CACNA1H: variants seen among roughly 807,000 people sequenced by gnomAD.
CACNA1H encodes the protein calcium voltage-gated channel subunit alpha1 H.
In CACNA1H, 149 loss-of-function variants were observed where a neutral mutation model predicts 192.5. That is an observed-to-expected ratio of 0.77 (90% CI 0.68 to 0.89). The LOEUF (loss-of-function observed/expected upper bound fraction) is 0.89. CACNA1H is among the 40% of genes least tolerant of loss of function. The pLI, the probability that CACNA1H is intolerant of heterozygous loss-of-function variation, is 0.00. For missense variants in CACNA1H, 4,257 were observed against 3,423.5 expected, an observed-to-expected ratio of 1.24 and a Z score of -6.08; for synonymous variants, 2,202 against 1,475.2, an observed-to-expected ratio of 1.49 and a Z score of -11.29.
chr16:1,207,050 A>G lies in CACNA1H; in HGVS notation c.2839A>G (p.Thr947Ala), dbSNP rs1295034318. The change falls in exon 13 of 35, where the codon ACC (threonine) becomes GCC (alanine). Residue 947 changes from threonine to alanine, a missense_variant. By Grantham distance (58) the Thr-to-Ala change is moderately conservative. Transcript: ENST00000348261. ...CTGCAAGTTCAGCCTGAAGACAGAC[A>G]CCGGAGACACCGTGCCTGACAGGAA... ...FGCKFSLKTDTGDTVPDRKNF... is the reference protein window; with the variant it reads ...FGCKFSLKTDAGDTVPDRKNF... The G allele has an allele frequency of 1.9e-6, 3 of 1,602,192 alleles. No individual in the cohort carries two copies. The highest frequency in any genetic ancestry group is 2.3e-5 in the East Asian group (1 of 44,410).
intron 6 of CACNA1H, chr16:1,199,028 C>G: frequency 2.2e-6 from 1 of 451,366 alleles, no homozygotes; most frequent in Non-Finnish European, 4.0e-6. Flanking sequence ...ATATGCCCCA[C>G]CCCCCACCAT....
chr16:1,179,423 G>T (rs927210582), intron 2 of CACNA1H, among the ~76,000 whole-genome samples: 14 of 152,192 alleles, frequency 9.2e-5, no homozygotes, highest in African/African-American at 3.4e-4. Flanking sequence ...CCGAGCCGCT[G>T]CTGAGTGGCT....
rs1396494732 is a variant in CACNA1H at position 1,168,126 on chromosome 16, C to T, written c.299+14090C>T. On this transcript the variant is annotated intron_variant, in intron 2 of 34. Coordinates refer to ENST00000348261, the MANE Select transcript of CACNA1H (RefSeq NM_021098.3). ...GGTGGACCAGAATTCCCCTGGGGCA[C>T]GGTGGCGGGAGACCAGGGCGGCCTC... Among the ~76,000 whole-genome samples the T allele has an allele frequency of 3.9e-5, 6 of 152,074 alleles. No individual in the cohort carries two copies. In the South Asian group the frequency reaches 6.2e-4, roughly 16 times the overall value.
rs770785541 is a variant in CACNA1H at position 1,204,086 on chromosome 16, G to C, written c.2079G>C (p.Leu693=). The C allele has an allele frequency of 3.1e-6, 5 of 1,608,948 alleles. No individual in the cohort carries two copies. Among genetic ancestry groups the C allele is most frequent in the Non-Finnish European group, 4.2e-6 (5 of 1,178,372 alleles). Residue 693 remains leucine (L), a synonymous_variant, in exon 10 of 35, where the codon CTG becomes CTC. Coordinates refer to ENST00000348261, the MANE Select transcript of CACNA1H (RefSeq NM_021098.3). Reference sequence around the variant, plus strand: ...TGCCCAGCCCCCCAGCGGGCACACTGACCTGTGAGCTGAAGAGCTGCCCGT... The same window carrying C: ...TGCCCAGCCCCCCAGCGGGCACACTCACCTGTGAGCTGAAGAGCTGCCCGT... The part of the protein sequence containing the change: ...CPLPSPPAGT[L]TCELKSCPYC...
Position 1,195,949 on chromosome 16 carries a change from G to C in CACNA1H, c.569G>C (p.Gly190Ala). The part of the protein sequence containing the change: ...VAGMMEYSLD[G>A]HNVSLSAIRT... ...AGCATGATGGAGTACTCGTTGGACG[G>C]ACACAACGTGAGCCTCTCGGCTATC... The change falls in exon 5 of 35, where the codon GGA becomes GCA. Residue 190 changes from glycine to alanine, a missense_variant. Gly to Ala is a moderately conservative substitution (Grantham distance 60). Coordinates refer to ENST00000348261, the MANE Select transcript of CACNA1H (RefSeq NM_021098.3). The C allele has an allele frequency of 6.2e-7, 1 of 1,613,134 alleles. No individual in the cohort carries two copies. The highest frequency in any genetic ancestry group is 8.5e-7 in the Non-Finnish European group (1 of 1,179,832).
intron 2 of CACNA1H, among the ~76,000 whole-genome samples, chr16:1,173,531 A>AT (rs1199511104): frequency 1.3e-5 from 2 of 152,382 alleles, no homozygotes; most frequent in African/African-American, 4.8e-5. Flanking sequence ...TAACCACAAT[A>AT]ATAAGCCCTT....
intron 2 of CACNA1H, among the ~76,000 whole-genome samples, chr16:1,172,052 G>A (rs1964419487): frequency 1.3e-5 from 2 of 152,238 alleles, no homozygotes; most frequent in African/African-American, 2.4e-5. Flanking sequence ...GGGGTCCCCA[G>A]CAGCCTTCAC....
chr16:1,195,860 A>T, intron 4 of CACNA1H, 66 bp from the exon 5 acceptor site: 1 of 1,268,644 alleles, frequency 7.9e-7, no homozygotes, highest in Admixed American at 1.7e-5. Flanking sequence ...CCTACTTTGC[A>T]CCCCAGCCCC....
intron 2 of CACNA1H, among the ~76,000 whole-genome samples, chr16:1,185,742 G>C (rs1163462049): frequency 9.6e-5 from 1 of 10,366 alleles, no homozygotes. Flanking sequence ...GTGTACGTGG[G>C]CAGGTGAGTA....
chr16:1,181,921 A>T (rs1365776943), intron 2 of CACNA1H, among the ~76,000 whole-genome samples: 4 of 151,714 alleles, frequency 2.6e-5, no homozygotes, highest in Non-Finnish European at 2.9e-5. Context: ...CCCCTCACAC[A>T]TGCATGTCCC....
intron 2 of CACNA1H, among the ~76,000 whole-genome samples, chr16:1,169,175 G>A (rs1964108163): frequency 6.9e-6 from 1 of 145,040 alleles, no homozygotes; most frequent in East Asian, 2.2e-4. Context: ...GGTGGGGGTG[G>A]GGGTGGGGGT....
chr16:1,164,568 G>C (rs924584677), intron 2 of CACNA1H, among the ~76,000 whole-genome samples: 5 of 152,248 alleles, frequency 3.3e-5, no homozygotes, highest in Admixed American at 6.5e-5. Flanking sequence ...GTGGCCTGCA[G>C]CGTGGGCACA....
At chr16:1,186,728 C>T (rs910316970) in intron 2 of CACNA1H, among the ~76,000 whole-genome samples, 2 of 152,182 alleles carry the variant, frequency 1.3e-5, no homozygotes, top group East Asian at 1.9e-4. Flanking sequence ...CGGGTGGCCA[C>T]GTAATGCTTC....
intron 10 of CACNA1H, 57 bp downstream of exon 10, chr16:1,204,515 A>C: frequency 7.2e-7 from 1 of 1,385,140 alleles, no homozygotes; most frequent in Non-Finnish European, 9.8e-7. Flanking sequence ...GGGCCTGGGG[A>C]GTCTCAGGAG....
Position 1,206,166 on chromosome 16 carries a change from T to C in CACNA1H, c.2666T>C (p.Leu889Pro). Residue 889 changes from leucine to proline, a missense_variant, in exon 12 of 35, where the codon CTG (leucine) becomes CCG (proline). Transcript: ENST00000348261. ...GLSVLRTFRL[L>P]RVLKLVRFLP... Reference sequence around the variant, plus strand: ...TCTGTGCTGCGCACCTTCCGGCTGCTGCGTGTGCTGAAGCTGGTGCGCTTT... The same window carrying C: ...TCTGTGCTGCGCACCTTCCGGCTGCCGCGTGTGCTGAAGCTGGTGCGCTTT... 6 of 1,586,076 alleles carry C rather than the reference T, an allele frequency of 3.8e-6. No homozygotes were observed. Among genetic ancestry groups the C allele is most frequent in the Non-Finnish European group, 5.1e-6 (6 of 1,167,774 alleles).
At chr16:1,161,513 C>T (rs1963196585) in intron 2 of CACNA1H, among the ~76,000 whole-genome samples, 2 of 152,192 alleles carry the variant, frequency 1.3e-5, no homozygotes, top group Non-Finnish European at 2.9e-5. Flanking sequence ...GTTAAAGACT[C>T]AGCCTCAACT....
chr16:1,217,968 CA>C lies in CACNA1H; in HGVS notation c.5374del (p.Ser1792AlafsTer23), dbSNP rs1236049216. The C allele has an allele frequency of 6.2e-7, 1 of 1,605,368 alleles. No individual in the cohort carries two copies. The highest frequency in any genetic ancestry group is 8.5e-7 in the Non-Finnish European group (1 of 1,176,752). On this transcript the variant is annotated frameshift_variant, in exon 32 of 35. Coordinates refer to ENST00000348261, the MANE Select transcript of CACNA1H (RefSeq NM_021098.3). LOFTEE classifies it high-confidence loss of function. ...CEGLSRHATFSNFGMAFLTLF... is the reference protein window; with the variant it reads ...CEGLSRHATFXNFGMAFLTLF... ...AGGGCCTGAGCAGGCACGCCACCTT[CA>C]GCAACTTCGGCATGGCCTTCCTCAC... is the stretch of plus-strand genomic sequence containing the variant.
At chr16:1,208,758 G>A (rs984842658) in intron 16 of CACNA1H, among the ~76,000 whole-genome samples, 3 of 152,150 alleles carry the variant, frequency 2.0e-5, no homozygotes, top group African/African-American at 7.2e-5. Context: ...GGACACGGGG[G>A]CCACCCACAC....
At position 1,220,907 on chromosome 16, in the gene CACNA1H, C is replaced by T. The variant is rs761220963; in HGVS notation, c.6975C>T (p.Tyr2325=). 5 of 1,610,584 alleles carry T rather than the reference C, an allele frequency of 3.1e-6. No homozygotes were observed. Among genetic ancestry groups the T allele is most frequent in the Admixed American group, 1.7e-5 (1 of 59,976 alleles). Residue 2325 remains tyrosine, a synonymous_variant, in exon 35 of 35, where the codon TAC becomes TAT. Transcript: ENST00000348261. ...CCCCAGAGAAGAGGCGGGGGCTGTA[C>T]CTCACAGTCCCCCAGTGTCCTCTGG... ...GDPPEKRRGL[Y]LTVPQCPLEK...
Sources: gnomAD v4.1 joint callset for allele counts (sites outside exome capture counted in the v4.1 genomes callset) on GRCh38, gnomAD v4.1.1 for gene constraint, MANE v1.5 for transcripts, NCBI Gene and HGNC (gene_info 2026-07-23, HGNC 2026-07-21) for gene names.